LSAMP: variants seen among roughly 807,000 people sequenced by gnomAD.
LSAMP encodes limbic system associated membrane protein, also known as limbic system-associated membrane protein.
A neutral mutation model predicts 38.6 loss-of-function variants in LSAMP; 7 were observed. The ratio of observed to expected loss-of-function variants is 0.18; its 90% confidence interval spans 0.10 to 0.34. LSAMP has a LOEUF of 0.34. Among genes scored for constraint, LSAMP ranks in the 10% least tolerant of loss-of-function variants. The pLI is 1.00. For synonymous variants in LSAMP, 154 were observed against 166.8 expected, an observed-to-expected ratio of 0.92 and a Z score of 0.59; for missense variants, 313 against 420.0, an observed-to-expected ratio of 0.75 and a Z score of 2.23.
chr3:115,865,212 C>T (rs992165277), intron 3 of LSAMP, among the ~76,000 whole-genome samples: 2 of 152,244 alleles, frequency 1.3e-5, no homozygotes, highest in Middle Eastern at 3.4e-3. Flanking sequence ...AGAAAGCAGA[C>T]CATTTTGACC....
In LSAMP at chr3:116,152,743, A is replaced by G. The variant is rs557025588; in HGVS notation, c.156-66187T>C. Among the ~76,000 whole-genome samples, 4 of 152,238 alleles carry G rather than the reference A, an allele frequency of 2.6e-5. No individual in the cohort carries two copies. In the South Asian group the frequency reaches 8.3e-4, roughly 32 times the overall value. On this transcript the variant is annotated intron_variant, in intron 1 of 6. Transcript: ENST00000490035. ...GTGAGTTGGGATGTATAAGAAATCC[A>G]AAGCTCATCAGATTCAATGTACACA... is the stretch of plus-strand genomic sequence containing the variant.
chr3:116,046,618 T>C (rs534703294), intron 2 of LSAMP, among the ~76,000 whole-genome samples: 1 of 152,252 alleles, frequency 6.6e-6, no homozygotes, highest in African/African-American at 2.4e-5. Context: ...TGACAACAGA[T>C]AGAATCTGCC....
chr3:116,157,472 C>A (rs1709780274), intron 1 of LSAMP, among the ~76,000 whole-genome samples: 1 of 151,930 alleles, frequency 6.6e-6, no homozygotes, highest in South Asian at 2.1e-4. Context: ...TCAGTTCATC[C>A]AAATCATGTG....
chr3:115,834,541 A>T, intron 6 of LSAMP: 1 of 1,283,652 alleles, frequency 7.8e-7, no homozygotes, highest in Non-Finnish European at 1.0e-6. Context: ...AGAGAGCTAC[A>T]GTGATAAAAA....
At chr3:115,839,135 C>T (rs1245298280) in intron 6 of LSAMP, among the ~76,000 whole-genome samples, 1 of 152,188 alleles carries the variant, frequency 6.6e-6, no homozygotes, top group Non-Finnish European at 1.5e-5. Flanking sequence ...ACAGTGTCTT[C>T]CTTTTCCAAT....
intron 3 of LSAMP, among the ~76,000 whole-genome samples, chr3:115,937,720 C>G (rs1306603669): frequency 6.6e-6 from 1 of 151,954 alleles, no homozygotes; most frequent in Admixed American, 6.6e-5. Context: ...TTTACACATG[C>G]TAACTTAACA....
At chr3:115,813,660 C>G (rs1933915358) in intron 6 of LSAMP, among the ~76,000 whole-genome samples, 1 of 151,966 alleles carries the variant, frequency 6.6e-6, no homozygotes, top group African/African-American at 2.4e-5. Flanking sequence ...CTTAAAAATA[C>G]AAGGGTAAAT....
intron 2 of LSAMP, among the ~76,000 whole-genome samples, chr3:116,044,075 T>C (rs966783306): frequency 6.6e-6 from 1 of 152,230 alleles, no homozygotes; most frequent in Middle Eastern, 3.2e-3. Flanking sequence ...TTATCCCCTT[T>C]TTAATTAATA....
Position 116,445,053 on chromosome 3 carries a change from G to C in LSAMP, c.-22C>G. On this transcript the variant is annotated 5_prime_UTR_variant, in exon 1 of 7. Transcript: ENST00000490035. ...CCATGGTGGCCACGCCGAGGTGCGG[G>C]TCCGCGGGGTGCTCTGGAGGGGTGC... The C allele has an allele frequency of 1.2e-6, 2 of 1,601,838 alleles. No individual in the cohort carries two copies. The highest frequency in any genetic ancestry group is 1.7e-6 in the Non-Finnish European group (2 of 1,172,796).
At chr3:115,938,738 T>C (rs1209915944) in intron 3 of LSAMP, among the ~76,000 whole-genome samples, 2 of 152,132 alleles carry the variant, frequency 1.3e-5, no homozygotes, top group Admixed American at 6.6e-5. Context: ...GAAGGACAAG[T>C]AGTGAATTTC....
chr3:115,863,833 AG>A lies in LSAMP; in HGVS notation c.515-11217del, dbSNP rs147139064. On this transcript the variant is annotated intron_variant, in intron 3 of 6. Coordinates refer to ENST00000490035, the MANE Select transcript of LSAMP (RefSeq NM_002338.5). ...ATTCTTCTGGCTGTATCCTAAGGGC[AG>A]GTTTCTCAGAATGAAAAAGAAAATC... 9.6e-3 allele frequency among the ~76,000 whole-genome samples: 1,454 copies of A among 152,182 alleles called. 26 individuals carry two copies. The highest frequency in any genetic ancestry group is 0.032 in the African/African-American group (1,346 of 41,510).
At chr3:116,421,502 C>A (rs1409651963) in intron 1 of LSAMP, among the ~76,000 whole-genome samples, 1 of 150,922 alleles carries the variant, frequency 6.6e-6, no homozygotes. Context: ...TGAGATCGTG[C>A]CATTGCACTC....
intron 1 of LSAMP, among the ~76,000 whole-genome samples, chr3:116,283,423 T>C (rs1402554104): frequency 6.6e-6 from 1 of 152,176 alleles, no homozygotes; most frequent in Non-Finnish European, 1.5e-5. Context: ...AATTACACTT[T>C]AGCATGAGAT....
At chr3:115,939,070 C>A (rs983525108) in intron 3 of LSAMP, among the ~76,000 whole-genome samples, 1 of 152,160 alleles carries the variant, frequency 6.6e-6, no homozygotes. Context: ...ACACTTTGAC[C>A]TTAGAAACTG....
chr3:115,924,068 A>G (rs1937444243), intron 3 of LSAMP, among the ~76,000 whole-genome samples: 1 of 151,998 alleles, frequency 6.6e-6, no homozygotes, highest in Admixed American at 6.6e-5. Flanking sequence ...CAGTTTTGCA[A>G]CTTTAACTTG....
intron 3 of LSAMP, among the ~76,000 whole-genome samples, chr3:115,897,859 A>T (rs1936767700): frequency 6.6e-6 from 1 of 152,114 alleles, no homozygotes; most frequent in African/African-American, 2.4e-5. Context: ...TTCCTATGTT[A>T]ATTAAATTGG....
intron 6 of LSAMP, among the ~76,000 whole-genome samples, chr3:115,823,769 T>C (rs763070111): frequency 9.2e-5 from 14 of 152,160 alleles, no homozygotes; most frequent in Non-Finnish European, 1.6e-4. Flanking sequence ...AGATACCATG[T>C]AGTAAAGCAA....
At chr3:116,289,757 T>C (rs1459022594) in intron 1 of LSAMP, among the ~76,000 whole-genome samples, 1 of 152,198 alleles carries the variant, frequency 6.6e-6, no homozygotes, top group Non-Finnish European at 1.5e-5. Context: ...AACCTGCTTA[T>C]TAAGTTTTTA....
intron 1 of LSAMP, among the ~76,000 whole-genome samples, chr3:116,208,775 G>A (rs6800239): frequency 0.61 from 92,368 of 151,950 alleles, 28,758 homozygotes; most frequent in East Asian, 0.76. Flanking sequence ...CTCCAGCTGC[G>A]TGCTGGGAGA....
Sources: gnomAD v4.1 joint callset for allele counts (sites outside exome capture counted in the v4.1 genomes callset) on GRCh38, gnomAD v4.1.1 for gene constraint, MANE v1.5 for transcripts, NCBI Gene and HGNC (gene_info 2026-07-23, HGNC 2026-07-21) for gene names.